The following SFMBT1 variants were observed in gnomAD, a reference collection of about 807,000 sequenced individuals.
SFMBT1 encodes the protein scm-like with four MBT domains protein 1.
SFMBT1 carries 32 observed loss-of-function variants against 108.7 expected under a neutral mutation model. The ratio of observed to expected loss-of-function variants is 0.29; its 90% confidence interval spans 0.22 to 0.40. The LOEUF (loss-of-function observed/expected upper bound fraction) is 0.40. SFMBT1 is among the 10% of genes least tolerant of loss of function. The pLI, the probability that SFMBT1 is intolerant of heterozygous loss-of-function variation, is 1.00. For missense variants in SFMBT1, 816 were observed against 1,059.6 expected, an observed-to-expected ratio of 0.77 and a Z score of 3.19; for synonymous variants, 348 against 369.5, an observed-to-expected ratio of 0.94 and a Z score of 0.67.
Position 52,905,137 on chromosome 3 carries a change from C to T in SFMBT1, c.2600G>A (p.Ter867=). 1 of 1,613,354 alleles carries T rather than the reference C, an allele frequency of 6.2e-7. No homozygotes were observed. The change falls in exon 21 of 21, where the codon TGA becomes TAA. Residue 867 remains the stop codon, a stop_retained_variant. Coordinates refer to ENST00000394752, the MANE Select transcript of SFMBT1 (RefSeq NM_016329.4). ...KFAFYEQFAN[*] ...TCCAGCTCACTTTGGTTGTCCTTCTCAGTTGGCAAACTGCTCATAAAAAGC... is the reference window on the plus strand; with the variant it reads ...TCCAGCTCACTTTGGTTGTCCTTCTTAGTTGGCAAACTGCTCATAAAAAGC...
At chr3:52,916,713 T>A (rs1702368958) in intron 13 of SFMBT1, among the ~76,000 whole-genome samples, 2 of 151,310 alleles carry the variant, frequency 1.3e-5, no homozygotes, top group South Asian at 2.1e-4. Context: ...AACAAAAAAC[T>A]ACAACAACAA....
intron 1 of SFMBT1, among the ~76,000 whole-genome samples, chr3:53,026,452 C>T (rs1213818292): frequency 6.6e-6 from 1 of 152,154 alleles, no homozygotes; most frequent in Non-Finnish European, 1.5e-5. Flanking sequence ...TCAGTGAGGA[C>T]AGTAAGTCTT....
intron 13 of SFMBT1, among the ~76,000 whole-genome samples, chr3:52,917,048 A>T (rs1015539972): frequency 6.6e-6 from 1 of 152,234 alleles, no homozygotes; most frequent in Non-Finnish European, 1.5e-5. Context: ...AATGCATCCT[A>T]ACTAAAGCTT....
intron 2 of SFMBT1, among the ~76,000 whole-genome samples, chr3:52,956,055 G>A (rs1032464426): frequency 2.6e-5 from 4 of 152,138 alleles, no homozygotes; most frequent in African/African-American, 9.7e-5. Flanking sequence ...TTCAACAGAC[G>A]CAAATCAATA....
intron 1 of SFMBT1, among the ~76,000 whole-genome samples, chr3:53,006,631 A>AAAAAAAAAAAAAAAAAAAC: frequency 6.6e-6 from 1 of 151,792 alleles, no homozygotes; most frequent in African/African-American, 2.4e-5. Flanking sequence ...TCCGTCTCAA[A>AAAAAAAAAAAAAAAAAAAC]AAAAAAAAAA....
chr3:52,926,062 G>A lies in SFMBT1; in HGVS notation c.1100C>T (p.Ala367Val). 1 of 1,603,512 alleles carries A rather than the reference G, an allele frequency of 6.2e-7. No homozygotes were observed. Residue 367 changes from alanine to valine, a missense_variant, in exon 10 of 21, where the codon GCT (alanine) becomes GTT (valine). By Grantham distance (64) the Ala-to-Val change is moderately conservative. This residue lies in a region of SFMBT1 where 495 missense variants were observed against 607.4 expected (regional missense o/e 0.81). Coordinates refer to ENST00000394752, the MANE Select transcript of SFMBT1 (RefSeq NM_016329.4). ...GAAGCACCTCTGGGGAGCAGCTTCA[G>A]CACCACACTGTTTGAGGTAGTCAGC... ...DWADYLKQCG[A>V]EAAPQRCFPP...
At chr3:52,976,165 G>A (rs1704513482) in intron 1 of SFMBT1, among the ~76,000 whole-genome samples, 1 of 152,156 alleles carries the variant, frequency 6.6e-6, no homozygotes, top group Non-Finnish European at 1.5e-5. Context: ...ACTTTGGGAG[G>A]CCAAGACAGG....
intron 1 of SFMBT1, among the ~76,000 whole-genome samples, chr3:52,976,730 C>A (rs937985927): frequency 2.0e-5 from 3 of 152,034 alleles, no homozygotes; most frequent in Non-Finnish European, 4.4e-5. Flanking sequence ...TATTAATAGC[C>A]ATAATAACAG....
intron 1 of SFMBT1, among the ~76,000 whole-genome samples, chr3:53,002,953 C>T (rs953202974): frequency 6.7e-6 from 1 of 149,064 alleles, no homozygotes; most frequent in African/African-American, 2.4e-5. Context: ...AAAACCCTGT[C>T]ACTACTCAAA....
chr3:52,962,218 C>T (rs920655116), intron 2 of SFMBT1, among the ~76,000 whole-genome samples: 2 of 152,300 alleles, frequency 1.3e-5, no homozygotes, highest in East Asian at 3.9e-4. Context: ...CCTTTTGATC[C>T]AGCAATCCCA....
chr3:52,909,092 G>GA (rs1353680520), intron 17 of SFMBT1, among the ~76,000 whole-genome samples: 4 of 152,142 alleles, frequency 2.6e-5, no homozygotes, highest in East Asian at 3.9e-4. Context: ...ACAATTTTGT[G>GA]AAAAAAATGG....
At chr3:53,017,280 G>C (rs1036617411) in intron 1 of SFMBT1, among the ~76,000 whole-genome samples, 2 of 152,040 alleles carry the variant, frequency 1.3e-5, no homozygotes. Context: ...TGTGATCTCT[G>C]GATAAAACAG....
intron 17 of SFMBT1, among the ~76,000 whole-genome samples, chr3:52,908,947 T>C (rs1702149079): frequency 6.6e-6 from 1 of 152,240 alleles, no homozygotes; most frequent in Admixed American, 6.5e-5. Flanking sequence ...GTCTTCCAAC[T>C]TTATTCTTTT....
intron 3 of SFMBT1, among the ~76,000 whole-genome samples, chr3:52,950,561 G>A (rs561666083): frequency 7.0e-4 from 107 of 152,068 alleles, no homozygotes; most frequent in African/African-American, 2.5e-3. Flanking sequence ...TGCAACCTCC[G>A]CCTCCCAGAT....
intron 1 of SFMBT1, among the ~76,000 whole-genome samples, chr3:52,998,039 T>A (rs1698401247): frequency 6.6e-6 from 1 of 150,600 alleles, no homozygotes; most frequent in Non-Finnish European, 1.5e-5. Flanking sequence ...ACATTCACAA[T>A]GTTGTACAAG....
chr3:52,951,175 C>CAA (rs773717441), intron 3 of SFMBT1, among the ~76,000 whole-genome samples: 1,052 of 97,290 alleles, frequency 0.011, 25 homozygotes, highest in African/African-American at 0.037. Context: ...ATTCCTTCTC[C>CAA]AAAAAAAAAA....
At chr3:53,041,112 T>C (rs1221475655) in intron 1 of SFMBT1, among the ~76,000 whole-genome samples, 1 of 150,884 alleles carries the variant, frequency 6.6e-6, no homozygotes, top group Non-Finnish European at 1.5e-5. Flanking sequence ...TGTAAGTCAC[T>C]GCGCCCGGCC....
intron 6 of SFMBT1, among the ~76,000 whole-genome samples, chr3:52,931,581 T>TA (rs1702860773): frequency 6.6e-6 from 1 of 152,188 alleles, no homozygotes; most frequent in Admixed American, 6.5e-5. Context: ...GTCTCACGCC[T>TA]GTAATCCCAG....
At chr3:52,928,097 G>A (rs547227311) in intron 9 of SFMBT1, 94 bp downstream of exon 9, 3 of 1,495,066 alleles carry the variant, frequency 2.0e-6, no homozygotes, top group Admixed American at 2.0e-5. Context: ...TAGGGCAGGA[G>A]GAGAGGGACA....
Sources: gnomAD v4.1 joint callset for allele counts (sites outside exome capture counted in the v4.1 genomes callset) on GRCh38, gnomAD v4.1.1 for gene constraint, gnomAD v4.1.1 regional missense constraint, MANE v1.5 for transcripts, NCBI Gene and HGNC (gene_info 2026-07-23, HGNC 2026-07-21) for gene names.